Variants in SYT10 observed in about 807,000 individuals in gnomAD.
SYT10 encodes synaptotagmin 10.
A neutral mutation model predicts 51.1 loss-of-function variants in SYT10; 31 were observed. The observed-to-expected ratio is 0.61, with a 90% CI of 0.46 to 0.82. SYT10 has a LOEUF of 0.82. Ranked by LOEUF, SYT10 falls within the 40% of genes least tolerant of loss-of-function variation. The pLI is 0.00. For synonymous variants in SYT10, 233 were observed against 225.9 expected, an observed-to-expected ratio of 1.03 and a Z score of -0.28; for missense variants, 603 against 634.0, an observed-to-expected ratio of 0.95 and a Z score of 0.53.
chr12:33,380,421 T>C (rs1471619459), intron 5 of SYT10, among the ~76,000 whole-genome samples: 1 of 152,232 alleles, frequency 6.6e-6, no homozygotes, highest in Non-Finnish European at 1.5e-5. Flanking sequence ...AAATGATACC[T>C]CAGTGTGTTA....
intron 4 of SYT10, among the ~76,000 whole-genome samples, chr12:33,384,721 T>G (rs1866142712): frequency 6.6e-6 from 1 of 152,196 alleles, no homozygotes; most frequent in African/African-American, 2.4e-5. Context: ...AATTTTTAGT[T>G]AGGTGGAAAA....
chr12:33,382,664 C>T (rs906198376), intron 4 of SYT10, 144 bp from the exon 5 acceptor site: 1 of 693,482 alleles, frequency 1.4e-6, no homozygotes, highest in African/African-American at 1.9e-5. Context: ...AATTTGTCTC[C>T]AAAAAAAAGA....
chr12:33,423,352 C>A (rs925069313), intron 2 of SYT10, among the ~76,000 whole-genome samples: 18 of 150,988 alleles, frequency 1.2e-4, no homozygotes, highest in African/African-American at 4.4e-4. Flanking sequence ...TGTGTGTGTG[C>A]GTGCCTGTGC....
At chr12:33,427,894 A>T (rs11052697) in intron 1 of SYT10, among the ~76,000 whole-genome samples, 20,303 of 152,232 alleles carry the variant, frequency 0.13, 1,585 homozygotes, top group African/African-American at 0.19. Context: ...ACTATGAGTT[A>T]GGATTTAATT....
chr12:33,426,012 T>TCTC, intron 2 of SYT10, 126 bp downstream of exon 2: 1 of 939,856 alleles, frequency 1.1e-6, no homozygotes, highest in Non-Finnish European at 1.6e-6. Flanking sequence ...CTTTCCCATT[T>TCTC]CTCCTGTTTC....
intron 1 of SYT10, among the ~76,000 whole-genome samples, chr12:33,433,463 A>G (rs1370489261): frequency 6.6e-6 from 1 of 152,220 alleles, no homozygotes; most frequent in Non-Finnish European, 1.5e-5. Flanking sequence ...GTAATTTAAT[A>G]TCTGTTTTCA....
chr12:33,437,285 T>C (rs1866645989), intron 1 of SYT10, among the ~76,000 whole-genome samples: 1 of 152,262 alleles, frequency 6.6e-6, no homozygotes. Flanking sequence ...ATATATTATG[T>C]AGTCTATTTT....
At chr12:33,391,522 A>G (rs1866207019) in intron 3 of SYT10, among the ~76,000 whole-genome samples, 1 of 152,162 alleles carries the variant, frequency 6.6e-6, no homozygotes, top group Admixed American at 6.5e-5. Flanking sequence ...ATGCCAGAGT[A>G]TGATTTGAAT....
intron 2 of SYT10, among the ~76,000 whole-genome samples, chr12:33,423,236 G>C (rs756793402): frequency 2.0e-5 from 3 of 152,052 alleles, no homozygotes; most frequent in African/African-American, 4.8e-5. Context: ...AATTATAAAG[G>C]AGTCCCAACA....
At chr12:33,434,209 C>T (rs925639857) in intron 1 of SYT10, among the ~76,000 whole-genome samples, 1 of 152,194 alleles carries the variant, frequency 6.6e-6, no homozygotes, top group African/African-American at 2.4e-5. Flanking sequence ...CAGTTGAACA[C>T]ACTCTGAAGA....
At chr12:33,437,046 T>G (rs1416538447) in intron 1 of SYT10, among the ~76,000 whole-genome samples, 1 of 152,214 alleles carries the variant, frequency 6.6e-6, no homozygotes, top group African/African-American at 2.4e-5. Flanking sequence ...AGAAATATAA[T>G]TAAATATTTG....
At chr12:33,401,268 T>C (rs1457569985) in intron 3 of SYT10, among the ~76,000 whole-genome samples, 1 of 152,194 alleles carries the variant, frequency 6.6e-6, no homozygotes, top group Non-Finnish European at 1.5e-5. Flanking sequence ...AATATGAATA[T>C]GTATTTCTCC....
chr12:33,405,747 G>C (rs767679748), intron 3 of SYT10: 3 of 151,516 alleles, frequency 2.0e-5, no homozygotes, highest in Admixed American at 2.0e-4. Flanking sequence ...AAAACAACCT[G>C]ATGGTAAAAA....
chr12:33,390,858 C>T (rs1336615435), intron 3 of SYT10, among the ~76,000 whole-genome samples: 1 of 152,212 alleles, frequency 6.6e-6, no homozygotes, highest in African/African-American at 2.4e-5. Context: ...CCTTGAAGAA[C>T]ACCACACAAT....
At chr12:33,429,966 C>T (rs767646465) in intron 1 of SYT10, among the ~76,000 whole-genome samples, 5 of 152,208 alleles carry the variant, frequency 3.3e-5, no homozygotes, top group South Asian at 2.1e-4. Context: ...CCCATTCCAA[C>T]GGGCAAACTT....
chr12:33,402,946 A>G (rs532549928), intron 3 of SYT10, among the ~76,000 whole-genome samples: 13 of 152,238 alleles, frequency 8.5e-5, no homozygotes, highest in Non-Finnish European at 1.2e-4. Context: ...GACATTTACA[A>G]CAATATGATA....
chr12:33,386,262 G>T (rs1866155746), intron 3 of SYT10, among the ~76,000 whole-genome samples: 1 of 152,152 alleles, frequency 6.6e-6, no homozygotes, highest in African/African-American at 2.4e-5. Context: ...GCCCACCTCA[G>T]CCTTCCAATC....
At chr12:33,415,956 A>G (rs961058439) in intron 2 of SYT10, among the ~76,000 whole-genome samples, 8 of 152,308 alleles carry the variant, frequency 5.3e-5, no homozygotes, top group African/African-American at 1.7e-4. Context: ...CTCTTCCCCA[A>G]GGACATCATT....
Position 33,426,232 on chromosome 12 carries a change from C to A in SYT10, c.415G>T (p.Asp139Tyr). The A allele has an allele frequency of 6.2e-7, 1 of 1,614,142 alleles. No homozygotes were observed. Among genetic ancestry groups the A allele is most frequent in the Non-Finnish European group, 8.5e-7 (1 of 1,180,026 alleles). Residue 139 changes from aspartate to tyrosine, a missense_variant, in exon 2 of 7, where the codon GAC becomes TAC. Physicochemically the swap from Asp to Tyr is radical, Grantham distance 160. Transcript: ENST00000228567. ...PAIKISHTSP[D>Y]IPAEVQTALK... ...GCAGTTTGGACTTCTGCTGGGATGT[C>A]AGGGGAAGTGTGGCTGATTTTTATT...
Sources: allele counts gnomAD v4.1 joint callset (sites outside exome capture counted in the v4.1 genomes callset), GRCh38; gene constraint gnomAD v4.1.1; transcripts MANE v1.5; gene names NCBI Gene and HGNC (gene_info 2026-07-23, HGNC 2026-07-21).